The following ADGRL2 variants were observed in gnomAD, a reference collection of about 807,000 sequenced individuals.
ADGRL2 encodes the protein calcium-independent alpha-latrotoxin receptor 2.
A neutral mutation model predicts 157.4 loss-of-function variants in ADGRL2; 44 were observed. That is an observed-to-expected ratio of 0.28 (90% CI 0.22 to 0.36). The LOEUF (loss-of-function observed/expected upper bound fraction) is 0.36. ADGRL2 is among the 10% of genes least tolerant of loss of function. The pLI is 1.00. For missense variants in ADGRL2, 1,510 were observed against 1,768.9 expected, an observed-to-expected ratio of 0.85 and a Z score of 2.63; for synonymous variants, 585 against 624.7, an observed-to-expected ratio of 0.94 and a Z score of 0.95.
chr1:81,462,176 A>G (rs917515918), intron 2 of ADGRL2, among the ~76,000 whole-genome samples: 7 of 152,008 alleles, frequency 4.6e-5, no homozygotes, highest in Non-Finnish European at 8.8e-5. Flanking sequence ...ACTCTGTAAG[A>G]TGGACCAATC....
At position 81,400,814 on chromosome 1, in the gene ADGRL2, G is replaced by A. The variant is rs562964035; in HGVS notation, c.-301-44222G>A. 1.4e-4 allele frequency among the ~76,000 whole-genome samples: 22 copies of A among 152,172 alleles called. No homozygotes were observed. The East Asian group carries it at 3.5e-3, about 24-fold the overall frequency. ...CTCAGCAGTTCAGACTCTGGGAAGC[G>A]GGTCCAGCTCCAGGGAAGTAGAGTA... On this transcript the variant is annotated intron_variant, in intron 1 of 24. Transcript: ENST00000370721.
chr1:81,313,991 T>C (rs1659935971), intron 1 of ADGRL2, among the ~76,000 whole-genome samples: 1 of 152,182 alleles, frequency 6.6e-6, no homozygotes, highest in Non-Finnish European at 1.5e-5. Context: ...AAAGATGATA[T>C]TAAGTGCACT....
intron 1 of ADGRL2, among the ~76,000 whole-genome samples, chr1:81,742,886 C>G (rs1316119026): frequency 6.6e-6 from 1 of 151,970 alleles, no homozygotes; most frequent in Middle Eastern, 3.2e-3. Context: ...TGAGTTGTTG[C>G]TGTTTTATCA....
At chr1:81,813,635 T>A (rs553596105) in intron 1 of ADGRL2, among the ~76,000 whole-genome samples, 17 of 151,884 alleles carry the variant, frequency 1.1e-4, no homozygotes, top group Admixed American at 6.6e-4. Flanking sequence ...GATGGTATGT[T>A]TTACAAAAGT....
chr1:81,965,087 G>A (rs1656650575), intron 11 of ADGRL2, among the ~76,000 whole-genome samples: 1 of 152,122 alleles, frequency 6.6e-6, no homozygotes, highest in African/African-American at 2.4e-5. Flanking sequence ...ATGTTGATCA[G>A]GTAGATGTTC....
At chr1:81,629,684 T>C (rs2081975238) in intron 3 of ADGRL2, among the ~76,000 whole-genome samples, 2 of 97,408 alleles carry the variant, frequency 2.1e-5, no homozygotes, top group South Asian at 6.5e-4. Flanking sequence ...TGTGTGTGTG[T>C]GTGTGTGTGT....
At chr1:81,845,170 T>G (rs931331533) in intron 2 of ADGRL2, among the ~76,000 whole-genome samples, 36 of 152,230 alleles carry the variant, frequency 2.4e-4, no homozygotes, top group African/African-American at 8.4e-4. Context: ...TACTATGCCA[T>G]TACATATTTA....
At chr1:81,464,933 GAAAAA>G (rs199573052) in intron 2 of ADGRL2, among the ~76,000 whole-genome samples, 1 of 138,786 alleles carries the variant, frequency 7.2e-6, no homozygotes, top group Non-Finnish European at 1.5e-5. Context: ...CCACCAGGGA[GAAAAA>G]AAAAAAAAAG....
intron 1 of ADGRL2, among the ~76,000 whole-genome samples, chr1:81,424,147 A>G (rs1557678745): frequency 6.6e-6 from 1 of 152,318 alleles, no homozygotes; most frequent in East Asian, 1.9e-4. Flanking sequence ...TCAGTGACAC[A>G]CCAACGTTTA....
intron 2 of ADGRL2, among the ~76,000 whole-genome samples, chr1:81,545,099 G>C (rs1251388804): frequency 6.6e-6 from 1 of 152,076 alleles, no homozygotes; most frequent in Non-Finnish European, 1.5e-5. Flanking sequence ...GGAGAAAGGA[G>C]AGAAAAAGAA....
intron 3 of ADGRL2, among the ~76,000 whole-genome samples, chr1:81,927,479 G>T (rs1368223450): frequency 6.6e-6 from 1 of 151,894 alleles, no homozygotes; most frequent in African/African-American, 2.4e-5. Context: ...GTAGAAAATT[G>T]AATGTAATAA....
chr1:81,729,198 G>A (rs552470622), intron 1 of ADGRL2, among the ~76,000 whole-genome samples: 2 of 151,744 alleles, frequency 1.3e-5, no homozygotes, highest in Non-Finnish European at 2.9e-5. Flanking sequence ...ATAATCAGCA[G>A]TTTCTAAAAA....
chr1:81,952,153 C>T lies in ADGRL2; in HGVS notation c.1794+11C>T, dbSNP rs201594333. The T allele has an allele frequency of 6.3e-4, 1,006 of 1,591,542 alleles. 2 individuals carry two copies. The highest frequency in any genetic ancestry group is 7.6e-4 in the Non-Finnish European group (881 of 1,166,850). ...CGGAGTTATAACAAGGTAGAGAGAACTCTTCTGTTATTTTGAATTAGACAC... is the reference window on the plus strand; with the variant it reads ...CGGAGTTATAACAAGGTAGAGAGAATTCTTCTGTTATTTTGAATTAGACAC... On this transcript the variant is annotated intron_variant, in intron 9 of 23. Transcript: ENST00000686636.
intron 2 of ADGRL2, among the ~76,000 whole-genome samples, chr1:81,840,763 T>A (rs1190700385): frequency 6.6e-6 from 1 of 152,160 alleles, no homozygotes; most frequent in Non-Finnish European, 1.5e-5. Context: ...ATATTTAGAA[T>A]TTCCAAATAA....
At chr1:81,310,950 A>G (rs142128753) in intron 1 of ADGRL2, among the ~76,000 whole-genome samples, 79 of 152,170 alleles carry the variant, frequency 5.2e-4, no homozygotes, top group African/African-American at 1.9e-3. Context: ...ACTGACCTAC[A>G]ACCATTTGAA....
chr1:81,791,853 G>T (rs547777127), intron 2 of ADGRL2, among the ~76,000 whole-genome samples: 2 of 152,082 alleles, frequency 1.3e-5, no homozygotes, highest in African/African-American at 4.8e-5. Flanking sequence ...AAAGGAACAA[G>T]AATAAAATGT....
intron 2 of ADGRL2, among the ~76,000 whole-genome samples, chr1:81,876,840 C>G (rs781094264): frequency 6.6e-6 from 1 of 152,178 alleles, no homozygotes; most frequent in South Asian, 2.1e-4. Flanking sequence ...TTTTACACAG[C>G]TAAATCTACT....
At chr1:81,464,608 A>G (rs2078013975) in intron 2 of ADGRL2, among the ~76,000 whole-genome samples, 1 of 152,184 alleles carries the variant, frequency 6.6e-6, no homozygotes, top group Admixed American at 6.5e-5. Flanking sequence ...TGATAATAAA[A>G]CACTGGTAGA....
chr1:81,348,793 A>G (rs1194487689), intron 1 of ADGRL2, among the ~76,000 whole-genome samples: 3 of 152,218 alleles, frequency 2.0e-5, no homozygotes, highest in African/African-American at 4.8e-5. Context: ...TAATACTGGG[A>G]CACAGTAAAC....
Sources: gnomAD v4.1 joint callset for allele counts (sites outside exome capture counted in the v4.1 genomes callset) on GRCh38, gnomAD v4.1.1 for gene constraint, MANE v1.5 for transcripts, NCBI Gene and HGNC (gene_info 2026-07-23, HGNC 2026-07-21) for gene names.